Variants in COL4A4 observed in about 807,000 individuals in gnomAD.
The protein encoded by COL4A4 is collagen type IV alpha 4 chain.
COL4A4 carries 105 observed loss-of-function variants against 192.9 expected under a neutral mutation model. The ratio of observed to expected loss-of-function variants is 0.54; its 90% confidence interval spans 0.46 to 0.64. The LOEUF is 0.64. Ranked by LOEUF, COL4A4 falls within the 30% of genes least tolerant of loss-of-function variation. The pLI, the probability that COL4A4 is intolerant of heterozygous loss-of-function variation, is 0.00. For missense variants in COL4A4, 1,967 were observed against 2,169.3 expected (o/e 0.91, Z 1.85); for synonymous variants, 762 against 769.9 (o/e 0.99, Z 0.17).
At chr2:227,093,680 T>C (rs1366107710) in intron 20 of COL4A4, among the ~76,000 whole-genome samples, 1 of 152,144 alleles carries the variant, frequency 6.6e-6, no homozygotes, top group Non-Finnish European at 1.5e-5. Context: ...TTTATTTTTA[T>C]TTTTATTTCA....
the COL4A4 span, among the ~76,000 whole-genome samples, chr2:226,967,986 T>C: frequency 6.6e-6 from 1 of 152,200 alleles, no homozygotes; most frequent in African/African-American, 2.4e-5. Context: ...TTGCTAGTTA[T>C]ATCTCTTCAT....
At chr2:227,082,301 G>T in intron 22 of COL4A4, 114 bp from the exon 23 acceptor site, 1 of 1,027,200 alleles carries the variant, frequency 9.7e-7, no homozygotes, top group East Asian at 2.4e-5. Context: ...AAAGATTCTA[G>T]CTTGGCATTC....
At chr2:227,044,941 G>C (rs1317358046) in intron 35 of COL4A4, among the ~76,000 whole-genome samples, 1 of 152,210 alleles carries the variant, frequency 6.6e-6, no homozygotes, top group African/African-American at 2.4e-5. Context: ...GGTAACCACA[G>C]GAGAACAGGC....
At chr2:227,103,950 G>A in intron 13 of COL4A4, 22 bp downstream of exon 13, 1 of 1,575,962 alleles carries the variant, frequency 6.3e-7, no homozygotes, top group East Asian at 2.2e-5. Context: ...TTTCCAAGGT[G>A]ACATATGGAT....
At chr2:227,060,286 A>C in intron 26 of COL4A4, 43 bp from the exon 27 acceptor site, 8 of 1,271,974 alleles carry the variant, frequency 6.3e-6, no homozygotes, top group Non-Finnish European at 6.9e-6. Context: ...ATAAAACAAA[A>C]TCTAATGTGA....
chr2:227,056,019 T>C lies in COL4A4; in HGVS notation c.2642A>G (p.His881Arg). 1 of 1,613,376 alleles carries C rather than the reference T, an allele frequency of 6.2e-7. No individual in the cohort carries two copies. ...LPGLPGRPGA[H>R]GPPGLPGIPG... ...GATTCCTGGGAGGCCTGGGGGACCA[T>C]GTGCCCCAGGCCGTCCTGGGAGTCC... The change falls in exon 30 of 48, where the codon CAT (histidine) becomes CGT (arginine). Residue 881 changes from histidine to arginine, a missense_variant. By Grantham distance (29) the His-to-Arg change is conservative (BLOSUM62 0). Coordinates refer to ENST00000396625, the MANE Select transcript of COL4A4 (RefSeq NM_000092.5).
chr2:227,035,311 T>A (rs1969395448), intron 37 of COL4A4, among the ~76,000 whole-genome samples: 1 of 152,212 alleles, frequency 6.6e-6, no homozygotes, highest in Admixed American at 6.5e-5. Flanking sequence ...ATAGGACAAA[T>A]ATAATTTACA....
chr2:227,007,134 A>G lies in COL4A4; in HGVS notation c.*191T>C. On this transcript the variant is annotated 3_prime_UTR_variant, in exon 48 of 48. Transcript: ENST00000396625. ...AGGCTCCCTAGATTGGGAGGTCCAA[A>G]CAAATCCATCTGTGCAGCATTTGCT... is the stretch of plus-strand genomic sequence containing the variant. 1 of 777,702 alleles carries G rather than the reference A, an allele frequency of 1.3e-6. No homozygotes were observed. The highest frequency in any genetic ancestry group is 1.6e-5 in the South Asian group (1 of 62,652). 48.2% of individuals were successfully genotyped at this position (777,702 alleles called of 1,614,324 possible). A position where few individuals can be genotyped will look rare whatever the true frequency, so the allele number is the denominator to read the frequency against.
intron 4 of COL4A4, among the ~76,000 whole-genome samples, chr2:227,139,214 C>A (rs2063029083): frequency 6.6e-6 from 1 of 152,162 alleles, no homozygotes; most frequent in Non-Finnish European, 1.5e-5. Flanking sequence ...CTTGGGGTTC[C>A]CACCCTCCTG....
At position 227,007,169 on chromosome 2, in the gene COL4A4, A is replaced by G. The variant is rs1962317570; in HGVS notation, c.*156T>C. ...CTGTGCAGCATTTGCTTAATGTGTA[A>G]GGAACCAGAGGACTCTGGGAATAAC... On this transcript the variant is annotated 3_prime_UTR_variant, in exon 48 of 48. Transcript: ENST00000396625. 9.6e-7 allele frequency: 1 copy of G among 1,044,254 alleles called. No individual in the cohort carries two copies. Among genetic ancestry groups the G allele is most frequent in the African/African-American group, 1.6e-5 (1 of 63,832 alleles). The allele number at this position is 1,044,254 out of a possible 1,614,324, so 64.7% of individuals were successfully genotyped here. A position where few individuals can be genotyped will look rare whatever the true frequency, so the allele number is the denominator to read the frequency against.
At chr2:227,009,401 C>A (rs1183661369) in intron 46 of COL4A4, among the ~76,000 whole-genome samples, 1 of 152,166 alleles carries the variant, frequency 6.6e-6, no homozygotes, top group African/African-American at 2.4e-5. Context: ...GCTTGCAAAT[C>A]TACTATTGAA....
At chr2:227,098,492 A>G (rs755414958) in intron 19 of COL4A4, among the ~76,000 whole-genome samples, 2 of 152,228 alleles carry the variant, frequency 1.3e-5, no homozygotes, top group Non-Finnish European at 2.9e-5. Flanking sequence ...TTACAGACAC[A>G]GGAGCGCTTC....
At chr2:227,075,943 C>A (rs928994740) in intron 25 of COL4A4, among the ~76,000 whole-genome samples, 1 of 151,984 alleles carries the variant, frequency 6.6e-6, no homozygotes, top group Non-Finnish European at 1.5e-5. Context: ...TATGAAGGAC[C>A]TCTTCAAGGA....
chr2:226,985,088 A>AC, the COL4A4 span, among the ~76,000 whole-genome samples: 1 of 152,140 alleles, frequency 6.6e-6, no homozygotes, highest in African/African-American at 2.4e-5. Context: ...TTGTCTTATT[A>AC]CCATAGATTA....
intron 7 of COL4A4, among the ~76,000 whole-genome samples, chr2:227,115,633 A>G (rs1031366238): frequency 6.6e-6 from 1 of 152,202 alleles, no homozygotes; most frequent in African/African-American, 2.4e-5. Context: ...CCATCTTTAT[A>G]TATCAAGCTC....
rs1223627610 is a variant in COL4A4 at position 227,006,044 on chromosome 2, A to G, written c.*1281T>C. ...CCTTGGTACAAGACTGATATGAAAT[A>G]TAAGAATGTCTTTAAAATTGGCAAA... On this transcript the variant is annotated 3_prime_UTR_variant, in exon 48 of 48. Coordinates refer to ENST00000396625, the MANE Select transcript of COL4A4 (RefSeq NM_000092.5). The G allele has an allele frequency of 6.6e-6, 1 of 152,634 alleles. No homozygotes were observed. Among genetic ancestry groups the G allele is most frequent in the African/African-American group, 2.4e-5 (1 of 41,474 alleles). The allele number at this position is 152,634 out of a possible 1,614,324, so 9.5% of individuals were successfully genotyped here. A position where few individuals can be genotyped will look rare whatever the true frequency, so the allele number is the denominator to read the frequency against.
chr2:227,063,430 C>T (rs528178797), intron 25 of COL4A4, among the ~76,000 whole-genome samples: 5 of 152,016 alleles, frequency 3.3e-5, no homozygotes, highest in Non-Finnish European at 7.4e-5. Flanking sequence ...TTGTTGGGTT[C>T]TAGACCATGA....
chr2:227,026,905 A>C (rs1465397479), intron 42 of COL4A4, among the ~76,000 whole-genome samples: 2 of 152,242 alleles, frequency 1.3e-5, no homozygotes, highest in Non-Finnish European at 2.9e-5. Flanking sequence ...AACAAATAAT[A>C]ATCAAATCAG....
At chr2:227,077,457 C>T (rs543346497) in intron 25 of COL4A4, among the ~76,000 whole-genome samples, 179 of 152,154 alleles carry the variant, frequency 1.2e-3, no homozygotes, top group African/African-American at 4.1e-3. Context: ...CACATGGACA[C>T]AGGGAGGGGA....
Sources: gnomAD v4.1 joint callset for allele counts (sites outside exome capture counted in the v4.1 genomes callset) on GRCh38, gnomAD v4.1.1 for gene constraint, MANE v1.5 for transcripts, NCBI Gene and HGNC (gene_info 2026-07-23, HGNC 2026-07-21) for gene names.